Variants in HDAC9 observed in about 807,000 individuals in gnomAD.
The protein encoded by HDAC9 is MEF-2 interacting transcription repressor (MITR) protein.
Under a neutral mutation model 139.4 loss-of-function variants are expected in HDAC9, and 41 were observed. The observed-to-expected ratio is 0.29, with a 90% CI of 0.23 to 0.38. The LOEUF (loss-of-function observed/expected upper bound fraction) is 0.38, where lower values mean the gene tolerates loss of function less well. Ranked by LOEUF, HDAC9 falls within the 10% of genes least tolerant of loss-of-function variation. The pLI is 1.00. For synonymous variants in HDAC9, 517 were observed against 476.2 expected (o/e 1.09, Z -1.12); for missense variants, 1,147 against 1,297.0 (o/e 0.88, Z 1.78).
At chr7:18,487,586 T>G (rs1005524353) in intron 1 of HDAC9, among the ~76,000 whole-genome samples, 1 of 152,082 alleles carries the variant, frequency 6.6e-6, no homozygotes, top group African/African-American at 2.4e-5. Flanking sequence ...GTTGTAAATG[T>G]TTGTATTTAG....
intron 11 of HDAC9, among the ~76,000 whole-genome samples, chr7:18,651,910 C>T (rs530703500): frequency 2.4e-4 from 37 of 152,052 alleles, no homozygotes; most frequent in Non-Finnish European, 4.1e-4. Flanking sequence ...TGGGGAAAGT[C>T]AGAAAGGAGA....
At chr7:18,174,813 C>T (rs1788747199) in intron 2 of HDAC9, among the ~76,000 whole-genome samples, 1 of 152,154 alleles carries the variant, frequency 6.6e-6, no homozygotes, top group African/African-American at 2.4e-5. Flanking sequence ...GCTGCCTGAT[C>T]CTTCCTCTGG....
intron 1 of HDAC9, among the ~76,000 whole-genome samples, chr7:18,490,637 G>A (rs934347613): frequency 5.3e-5 from 8 of 151,978 alleles, no homozygotes; most frequent in African/African-American, 1.9e-4. Flanking sequence ...AATTGATGAT[G>A]TTCCTCTAAG....
At chr7:18,099,587 C>A (rs1257355195) in intron 1 of HDAC9, among the ~76,000 whole-genome samples, 1 of 152,150 alleles carries the variant, frequency 6.6e-6, no homozygotes, top group African/African-American at 2.4e-5. Flanking sequence ...TCTGTGAGAA[C>A]AAACATCATA....
At position 18,234,985 on chromosome 7, in the gene HDAC9, A is replaced by T. The variant is rs547616499; in HGVS notation, c.25+72636A>T. Among the ~76,000 whole-genome samples, 45 of 152,226 alleles carry T rather than the reference A, an allele frequency of 3.0e-4. 1 individual carries two copies. Among genetic ancestry groups the T allele is most frequent in the African/African-American group, 1.1e-3 (45 of 41,544 alleles). ...GTCATCTTAGGACCCTCTATTTGGG[A>T]TCCCCCCAGAGCTTGTGAAAAAAGC... On this transcript the variant is annotated intron_variant, in intron 2 of 12. Coordinates refer to the HDAC9 transcript ENST00000417496.
intron 1 of HDAC9, among the ~76,000 whole-genome samples, chr7:18,367,360 G>A (rs147272564): frequency 1.2e-3 from 189 of 152,148 alleles, no homozygotes; most frequent in Non-Finnish European, 2.5e-3. Context: ...AGGAGAAGAA[G>A]GGTATCAGAT....
At chr7:18,364,278 A>G (rs1784009454) in intron 1 of HDAC9, among the ~76,000 whole-genome samples, 1 of 152,130 alleles carries the variant, frequency 6.6e-6, no homozygotes, top group Admixed American at 6.6e-5. Context: ...CCTCCATTTA[A>G]CCATCTTTAA....
chr7:18,849,054 C>G (rs1386139924), intron 21 of HDAC9, among the ~76,000 whole-genome samples: 3 of 152,138 alleles, frequency 2.0e-5, no homozygotes, highest in African/African-American at 7.2e-5. Context: ...TTGAAAAATT[C>G]TGATAGATAT....
intron 1 of HDAC9, among the ~76,000 whole-genome samples, chr7:18,140,423 C>T (rs1436152155): frequency 1.3e-5 from 2 of 152,078 alleles, no homozygotes. Context: ...AAAAAAAATA[C>T]TGTCTTCCAC....
chr7:18,221,106 C>CTTTTTTTTTTTT (rs537033538), intron 2 of HDAC9, among the ~76,000 whole-genome samples: 41 of 139,640 alleles, frequency 2.9e-4, no homozygotes, highest in Non-Finnish European at 3.6e-4. Flanking sequence ...ATTTCTATTC[C>CTTTTTTTTTTTT]TTTTTTTTTT....
At chr7:18,700,253 A>C (rs541990979) in intron 12 of HDAC9, among the ~76,000 whole-genome samples, 40 of 152,320 alleles carry the variant, frequency 2.6e-4, no homozygotes, top group African/African-American at 8.7e-4. Context: ...GAGGGAGAGA[A>C]GTAGTTTTGA....
chr7:18,818,651 G>T (rs138761119), intron 17 of HDAC9, among the ~76,000 whole-genome samples: 30 of 152,312 alleles, frequency 2.0e-4, no homozygotes, highest in African/African-American at 6.7e-4. Flanking sequence ...GTTTGTTAAA[G>T]TCTGAATCAT....
chr7:18,754,777 A>T (rs1788738512), intron 14 of HDAC9, among the ~76,000 whole-genome samples: 1 of 152,122 alleles, frequency 6.6e-6, no homozygotes, highest in Admixed American at 6.6e-5. Context: ...GCAGAATCTT[A>T]TGATGCCAAG....
At chr7:18,755,721 G>T (rs1356985301) in intron 14 of HDAC9, among the ~76,000 whole-genome samples, 2 of 151,988 alleles carry the variant, frequency 1.3e-5, no homozygotes, top group South Asian at 2.1e-4. Context: ...AAAATAGAGA[G>T]TATATATGCT....
intron 13 of HDAC9, among the ~76,000 whole-genome samples, chr7:18,739,459 T>G (rs1025125159): frequency 1.5e-4 from 23 of 151,472 alleles, no homozygotes; most frequent in Non-Finnish European, 3.4e-4. Context: ...GTAGATGTCC[T>G]TTTTGTTGAT....
rs1170487296 is a variant in HDAC9 at position 18,496,005 on chromosome 7, C to G, written c.-60C>G. ...AGAGAGCTATAGCATCCACTCTGTCCTTTCTGCTTTGCACACAGGTTGGTA... is the reference window on the plus strand; with the variant it reads ...AGAGAGCTATAGCATCCACTCTGTCGTTTCTGCTTTGCACACAGGTTGGTA... On this transcript the variant is annotated 5_prime_UTR_variant, in exon 1 of 26. Transcript: ENST00000686413. 7.1e-7 allele frequency: 1 copy of G among 1,411,042 alleles called. No individual in the cohort carries two copies. 87.4% of individuals were successfully genotyped at this position (1,411,042 alleles called of 1,614,324 possible).
At chr7:18,367,706 CTGAGCTAA>C (rs1413087388) in intron 1 of HDAC9, among the ~76,000 whole-genome samples, 1 of 152,056 alleles carries the variant, frequency 6.6e-6, no homozygotes, top group Admixed American at 6.6e-5. Context: ...AGTGGAATTG[CTGAGCTAA>C]GTCATAGGGT....
chr7:18,462,895 A>T (rs981756109), intron 1 of HDAC9, among the ~76,000 whole-genome samples: 6 of 151,978 alleles, frequency 3.9e-5, no homozygotes, highest in African/African-American at 1.4e-4. Context: ...AATATGCCAT[A>T]GGATAACATA....
intron 2 of HDAC9, among the ~76,000 whole-genome samples, chr7:18,283,590 C>T (rs2128221145): frequency 6.6e-6 from 1 of 152,196 alleles, no homozygotes; most frequent in South Asian, 2.1e-4. Context: ...GTTGTGAGTA[C>T]CCGTGGCCCA....
Sources: allele counts gnomAD v4.1 joint callset (sites outside exome capture counted in the v4.1 genomes callset), GRCh38; gene constraint gnomAD v4.1.1; transcripts MANE v1.5; gene names NCBI Gene and HGNC (gene_info 2026-07-23, HGNC 2026-07-21).